The following TSPO variants were observed in gnomAD, a reference collection of about 807,000 sequenced individuals.
TSPO encodes the protein benzodiazepine peripheral binding site.
Under a neutral mutation model 13.9 loss-of-function variants are expected in TSPO, and 14 were observed. The ratio of observed to expected loss-of-function variants is 1.01; its 90% CI spans 0.67 to 1.58. The LOEUF (loss-of-function observed/expected upper bound fraction) is 1.58. TSPO is among the 40% of genes most tolerant of loss of function. The pLI, the probability that TSPO is intolerant of heterozygous loss-of-function variation, is 0.00. For missense variants in TSPO, 232 were observed against 229.6 expected (o/e 1.01, Z -0.07); for synonymous variants, 114 against 105.9 (o/e 1.08, Z -0.47).
intron 1 of TSPO, among the ~76,000 whole-genome samples, chr22:43,158,812 A>G (rs1381555803): frequency 7.3e-5 from 11 of 151,620 alleles, no homozygotes; most frequent in African/African-American, 2.7e-4. Context: ...CACCAAATGA[A>G]TGAGTGAGTG....
chr22:43,158,812 A>ATGAGTGAG (rs59161843), intron 1 of TSPO, among the ~76,000 whole-genome samples: 6 of 151,620 alleles, frequency 4.0e-5, no homozygotes, highest in South Asian at 2.1e-4. Flanking sequence ...CACCAAATGA[A>ATGAGTGAG]TGAGTGAGTG....
intron 2 of TSPO, among the ~76,000 whole-genome samples, chr22:43,160,046 C>T (rs1031887574): frequency 2.6e-5 from 4 of 152,224 alleles, no homozygotes; most frequent in Middle Eastern, 3.4e-3. Flanking sequence ...TCTGTGCCAG[C>T]GCAGTGCAGG....
intron 1 of TSPO, chr22:43,151,888 G>A (rs1463299533): frequency 6.6e-6 from 1 of 152,222 alleles, no homozygotes; most frequent in Non-Finnish European, 1.5e-5. Flanking sequence ...TTGGCCGCGT[G>A]GCTTCTCCTG....
intron 3 of TSPO, among the ~76,000 whole-genome samples, chr22:43,161,631 G>A (rs1321461849): frequency 1.3e-5 from 2 of 151,828 alleles, no homozygotes; most frequent in African/African-American, 4.8e-5. Flanking sequence ...GGGACTACAG[G>A]TGTGCACCAC....
At chr22:43,156,844 C>T (rs890181328) in intron 1 of TSPO, among the ~76,000 whole-genome samples, 2 of 152,272 alleles carry the variant, frequency 1.3e-5, no homozygotes, top group Non-Finnish European at 2.9e-5. Context: ...GACAGGGACA[C>T]CTGTGAGTGA....
chr22:43,155,408 C>T (rs781077773), intron 1 of TSPO, among the ~76,000 whole-genome samples: 1 of 152,212 alleles, frequency 6.6e-6, no homozygotes, highest in African/African-American at 2.4e-5. Flanking sequence ...CTACGTCCTG[C>T]GCCCTCTACC....
In TSPO at chr22:43,151,560, A is replaced by T. The variant is rs894202456; in HGVS notation, c.-74A>T. On this transcript the variant is annotated 5_prime_UTR_variant, in exon 1 of 4. Coordinates refer to ENST00000337554, the MANE Select transcript of TSPO (RefSeq NM_000714.6). ...GGATGCGGGGACAGCGGCCTGGCTA[A>T]CTCCTGCCAGGCAGTGCCCTTCCCG... 2 of 152,288 alleles carry T rather than the reference A, an allele frequency of 1.3e-5. No homozygotes were observed. Among genetic ancestry groups the T allele is most frequent in the Admixed American group, 6.5e-5 (1 of 15,274 alleles). The allele number at this position is 152,288 out of a possible 1,614,324, so 9.4% of individuals were successfully genotyped here.
intron 1 of TSPO, 185 bp downstream of exon 1, chr22:43,151,789 T>G (rs1453291187): frequency 1.3e-5 from 2 of 151,992 alleles, no homozygotes; most frequent in African/African-American, 4.8e-5. Context: ...CAGCAGAGTC[T>G]GGGCCTCCGC....
intron 1 of TSPO, among the ~76,000 whole-genome samples, chr22:43,154,262 G>A (rs1319607706): frequency 6.6e-6 from 1 of 152,184 alleles, no homozygotes; most frequent in Non-Finnish European, 1.5e-5. Flanking sequence ...AAGGCTCAGG[G>A]GAGTGGGTGC....
chr22:43,160,252 C>G (rs780057400), intron 2 of TSPO, among the ~76,000 whole-genome samples: 7 of 152,168 alleles, frequency 4.6e-5, no homozygotes, highest in Non-Finnish European at 7.4e-5. Context: ...CCTACACCAC[C>G]CAGTCCCAGC....
intron 1 of TSPO, among the ~76,000 whole-genome samples, chr22:43,155,184 C>G (rs1192422875): frequency 1.3e-5 from 2 of 152,170 alleles, no homozygotes; most frequent in Non-Finnish European, 2.9e-5. Flanking sequence ...GTCTCAGTTT[C>G]CTCATCTGGA....
chr22:43,162,638 C>T (rs1417501333), intron 3 of TSPO, among the ~76,000 whole-genome samples, 165 bp from the exon 4 acceptor site: 1 of 152,188 alleles, frequency 6.6e-6, no homozygotes. Flanking sequence ...GATGAGGAAA[C>T]TGAGGCTGCG....
Position 43,159,386 on chromosome 22 carries a change from G to A in TSPO, c.148G>A (p.Gly50Ser). The change falls in exon 2 of 4, where the codon GGC becomes AGC. Residue 50 changes from glycine (G) to serine (S), a missense_variant. Gly to Ser is a moderately conservative substitution (Grantham distance 56). Transcript: ENST00000337554. ...GTGGCACCCGCCCCACTGGGTGCTGGGCCCTGTCTGGGGCACGCTCTACTC... is the reference window on the plus strand; with the variant it reads ...GTGGCACCCGCCCCACTGGGTGCTGAGCCCTGTCTGGGGCACGCTCTACTC... Reference protein sequence around the residue: ...PSWHPPHWVLGPVWGTLYSAM... With the variant: ...PSWHPPHWVLSPVWGTLYSAM... The A allele has an allele frequency of 2.6e-6, 4 of 1,540,180 alleles. No individual in the cohort carries two copies. The highest frequency in any genetic ancestry group is 2.6e-6 in the Non-Finnish European group (3 of 1,143,820).
At position 43,162,963 on chromosome 22, in the gene TSPO, G is replaced by A. The variant is rs1239146481; in HGVS notation, c.482G>A (p.Trp161Ter). ...NYCVWRDNHG[W>*]RGGRRLPE ...TGCGTATGGCGGGACAACCATGGCT[G>A]GCGTGGGGGACGGCGGCTGCCAGAG... The change falls in exon 4 of 4, where the codon TGG (tryptophan) becomes TAG (stop). Residue 161 changes from tryptophan (W) to a stop codon, truncating the protein, a stop_gained. Transcript: ENST00000337554. LOFTEE classifies it high-confidence loss of function. 6.3e-7 allele frequency: 1 copy of A among 1,590,372 alleles called. No homozygotes were observed. The highest frequency in any genetic ancestry group is 8.6e-7 in the Non-Finnish European group (1 of 1,169,280).
rs376307141 is a variant in TSPO, at chr22:43,161,244, C to T, written c.321+54C>T. On this transcript the variant is annotated intron_variant, in intron 3 of 3. Coordinates refer to ENST00000337554, the MANE Select transcript of TSPO (RefSeq NM_000714.6). The stretch of plus-strand genomic sequence containing the variant: ...ATCCCTGGATCCGACCCTTGGAGGA[C>T]GTGGGGCATCACATATGACACTGGG... 8.9e-5 allele frequency: 140 copies of T among 1,572,066 alleles called. No homozygotes were observed. The African/African-American group carries it at 1.1e-3, about 12-fold the overall frequency.
At chr22:43,158,906 G>A (rs1931339423) in intron 1 of TSPO, among the ~76,000 whole-genome samples, 1 of 152,086 alleles carries the variant, frequency 6.6e-6, no homozygotes, top group African/African-American at 2.4e-5. Flanking sequence ...ACTTGACCCA[G>A]GGAGGCAGGC....
Position 43,161,159 on chromosome 22 carries a change from C to T in TSPO, c.290C>T (p.Pro97Leu), listed in dbSNP as rs775043588. 11 of 1,613,702 alleles carry T rather than the reference C, an allele frequency of 6.8e-6. No individual in the cohort carries two copies. The South Asian group carries it at 1.1e-4, about 16-fold the overall frequency. Residue 97 changes from proline (P) to leucine (L), a missense_variant, in exon 3 of 4, where the codon CCC becomes CTC. Pro to Leu is a moderately conservative substitution (Grantham distance 98, BLOSUM62 -3). Coordinates refer to ENST00000337554, the MANE Select transcript of TSPO (RefSeq NM_000714.6). ...GQLALNWAWPPIFFGARQMGW... is the reference protein window; with the variant it reads ...GQLALNWAWPLIFFGARQMGW... ...CTGGCCCTGAACTGGGCATGGCCCC[C>T]CATCTTCTTTGGTGCCCGACAAATG...
rs1239399325 is a variant in TSPO at position 43,156,401 on chromosome 22, CAAGGT to C, written c.-29-2808_-29-2804del. On this transcript the variant is annotated intron_variant, in intron 1 of 3. Coordinates refer to ENST00000337554, the MANE Select transcript of TSPO (RefSeq NM_000714.6). ...TCGTGGGGAGTTCTGCCACGTGCTA[CAAGGT>C]GAGGACCTCTAGAACATGGCGCTCA... 2.0e-5 allele frequency among the ~76,000 whole-genome samples: 3 copies of C among 152,250 alleles called. No individual in the cohort carries two copies. In the East Asian group the frequency reaches 5.8e-4, roughly 29 times the overall value.
intron 2 of TSPO, 83 bp downstream of exon 2, chr22:43,159,503 G>A: frequency 7.6e-7 from 1 of 1,313,678 alleles, no homozygotes; most frequent in African/African-American, 1.5e-5. Context: ...TCTTCTCCAG[G>A]CGGGCCATGG....
Sources: allele counts gnomAD v4.1 joint callset (sites outside exome capture counted in the v4.1 genomes callset), GRCh38; gene constraint gnomAD v4.1.1; transcripts MANE v1.5; gene names NCBI Gene and HGNC (gene_info 2026-07-23, HGNC 2026-07-21).